Variants in MLLT3 observed in about 807,000 individuals in gnomAD.
MLLT3 encodes protein AF-9.
MLLT3 carries 4 observed loss-of-function variants against 53.2 expected under a neutral mutation model. That is an observed-to-expected ratio of 0.08 (90% CI 0.04 to 0.17). The LOEUF is 0.17. Ranked by LOEUF, MLLT3 falls within the 10% of genes least tolerant of loss-of-function variation. MLLT3 has a pLI of 1.00. For missense variants in MLLT3, 569 were observed against 684.0 expected, an observed-to-expected ratio of 0.83 and a Z score of 1.87; for synonymous variants, 283 against 230.6, an observed-to-expected ratio of 1.23 and a Z score of -2.06.
chr9:20,376,675 T>A (rs1048317400), intron 5 of MLLT3, among the ~76,000 whole-genome samples: 9 of 152,300 alleles, frequency 5.9e-5, no homozygotes, highest in Middle Eastern at 3.4e-3. Context: ...TTTTCCACAC[T>A]TAGGGATGGC....
At chr9:20,351,043 A>G (rs1032454862) in intron 10 of MLLT3, among the ~76,000 whole-genome samples, 6 of 152,186 alleles carry the variant, frequency 3.9e-5, no homozygotes, top group African/African-American at 1.4e-4. Flanking sequence ...GACAACCACC[A>G]CATAAAAATG....
At chr9:20,431,925 GCAAA>G (rs1823281259) in intron 4 of MLLT3, among the ~76,000 whole-genome samples, 1 of 152,024 alleles carries the variant, frequency 6.6e-6, no homozygotes. Context: ...GCAAAGATGA[GCAAA>G]CAAACATACA....
intron 4 of MLLT3, among the ~76,000 whole-genome samples, chr9:20,431,757 T>C (rs1400484780): frequency 2.0e-5 from 3 of 151,910 alleles, no homozygotes; most frequent in Non-Finnish European, 4.4e-5. Flanking sequence ...AACAAGACAA[T>C]GAATACACAA....
intron 4 of MLLT3, among the ~76,000 whole-genome samples, chr9:20,430,033 G>T (rs1823228092): frequency 6.6e-6 from 1 of 152,108 alleles, no homozygotes; most frequent in Non-Finnish European, 1.5e-5. Flanking sequence ...AATAAGTTTA[G>T]TAAGATGTTA....
chr9:20,597,911 A>AAATG (rs1386434116), intron 2 of MLLT3, among the ~76,000 whole-genome samples: 1 of 152,214 alleles, frequency 6.6e-6, no homozygotes, highest in African/African-American at 2.4e-5. Context: ...ATATCTGCTT[A>AAATG]GTGTTCCAAA....
chr9:20,566,675 A>C (rs58248741), intron 2 of MLLT3, among the ~76,000 whole-genome samples: 17,927 of 152,084 alleles, frequency 0.12, 1,926 homozygotes, highest in African/African-American at 0.29. Context: ...TTTACTCAAG[A>C]AATAATCAAA....
intron 2 of MLLT3, among the ~76,000 whole-genome samples, chr9:20,598,936 A>T (rs1227523539): frequency 6.6e-6 from 1 of 152,246 alleles, no homozygotes; most frequent in African/African-American, 2.4e-5. Flanking sequence ...CAAAAATTAA[A>T]GGGAAAAGCA....
intron 2 of MLLT3, among the ~76,000 whole-genome samples, chr9:20,615,360 GAAAAAAAAAAAAAAAAAAA>G (rs10601830): frequency 6.2e-5 from 3 of 48,774 alleles, no homozygotes; most frequent in Non-Finnish European, 7.5e-5. Flanking sequence ...CAGACCATGT[GAAAAAAAAAAAAAAAAAAA>G]AAAAAAAAAA....
chr9:20,458,290 T>G (rs1315360986), intron 2 of MLLT3, among the ~76,000 whole-genome samples: 1 of 152,154 alleles, frequency 6.6e-6, no homozygotes. Flanking sequence ...CTTTCACTTC[T>G]CAAGGACAGG....
At chr9:20,548,036 T>A (rs1027081334) in intron 2 of MLLT3, among the ~76,000 whole-genome samples, 1 of 152,236 alleles carries the variant, frequency 6.6e-6, no homozygotes, top group Non-Finnish European at 1.5e-5. Flanking sequence ...TTTGACTACT[T>A]GACTTGTATC....
chr9:20,389,804 A>C (rs748509357), intron 5 of MLLT3, among the ~76,000 whole-genome samples: 3 of 152,188 alleles, frequency 2.0e-5, no homozygotes, highest in African/African-American at 4.8e-5. Context: ...GGAAATGAAA[A>C]AGGAAGGGAA....
At chr9:20,538,528 A>G (rs537252323) in intron 2 of MLLT3, among the ~76,000 whole-genome samples, 32 of 152,250 alleles carry the variant, frequency 2.1e-4, no homozygotes, top group African/African-American at 7.0e-4. Flanking sequence ...ATCTAAATTC[A>G]CACCATCTGC....
intron 5 of MLLT3, among the ~76,000 whole-genome samples, chr9:20,371,864 C>G (rs748002738): frequency 1.3e-5 from 2 of 152,084 alleles, no homozygotes; most frequent in Admixed American, 6.5e-5. Context: ...TATATCTGAG[C>G]AAAGTAAATA....
At chr9:20,498,395 G>A (rs560146652) in intron 2 of MLLT3, among the ~76,000 whole-genome samples, 6 of 151,778 alleles carry the variant, frequency 4.0e-5, no homozygotes, top group Non-Finnish European at 7.4e-5. Flanking sequence ...TTATGATGTC[G>A]AGTATCTTTT....
chr9:20,544,224 G>A (rs975871083), intron 2 of MLLT3, among the ~76,000 whole-genome samples: 5 of 152,288 alleles, frequency 3.3e-5, no homozygotes, highest in South Asian at 2.1e-4. Context: ...AAACATAGGG[G>A]AAAACCTTCA....
At chr9:20,497,397 T>TC (rs1825104430) in intron 2 of MLLT3, among the ~76,000 whole-genome samples, 1 of 151,968 alleles carries the variant, frequency 6.6e-6, no homozygotes, top group African/African-American at 2.4e-5. Flanking sequence ...GGAACATCCA[T>TC]CAACCCCTAA....
intron 2 of MLLT3, among the ~76,000 whole-genome samples, chr9:20,548,491 A>G (rs1219128796): frequency 6.6e-6 from 1 of 152,234 alleles, no homozygotes; most frequent in South Asian, 2.1e-4. Context: ...ATTACATTTG[A>G]CATCCCATTG....
chr9:20,494,513 G>A (rs4571814), intron 2 of MLLT3, among the ~76,000 whole-genome samples: 1 of 151,966 alleles, frequency 6.6e-6, no homozygotes, highest in Non-Finnish European at 1.5e-5. Context: ...TAACCTCAAA[G>A]TCATACTGCA....
At chr9:20,471,478 C>A (rs1824394544) in intron 2 of MLLT3, among the ~76,000 whole-genome samples, 1 of 151,958 alleles carries the variant, frequency 6.6e-6, no homozygotes, top group South Asian at 2.1e-4. Context: ...TATAAAGATA[C>A]CAGATTTAGA....
Sources: allele counts gnomAD v4.1 joint callset (sites outside exome capture counted in the v4.1 genomes callset), GRCh38; gene constraint gnomAD v4.1.1; transcripts MANE v1.5; gene names NCBI Gene and HGNC (gene_info 2026-07-23, HGNC 2026-07-21).